Variants in TPRG1 observed in about 807,000 individuals in gnomAD.
The protein encoded by TPRG1 is tumor protein p63 regulated 1.
In TPRG1, 29 loss-of-function variants were observed where a neutral mutation model predicts 29.3. That is an observed-to-expected ratio of 0.99 (90% CI 0.74 to 1.35). The LOEUF (loss-of-function observed/expected upper bound fraction) is 1.35, where lower values mean the gene tolerates loss of function less well. Ranked by LOEUF, TPRG1 falls within the 40% of genes most tolerant of loss-of-function variation. The probability of loss-of-function intolerance (pLI) is 0.00; values close to 1 mark genes in which losing one functional copy is unlikely to be tolerated. For missense variants in TPRG1, 327 were observed against 335.0 expected, an observed-to-expected ratio of 0.98 and a Z score of 0.19; for synonymous variants, 130 against 116.8, an observed-to-expected ratio of 1.11 and a Z score of -0.73.
At chr3:189,203,529 A>G in intron 1 of TPRG1, among the ~76,000 whole-genome samples, 1 of 152,218 alleles carries the variant, frequency 6.6e-6, no homozygotes, top group East Asian at 1.9e-4. Context: ...TCAAGAAGAT[A>G]CAACTGTTAA....
rs1715654080 is a variant in TPRG1 at position 189,056,030 on chromosome 3, TC to T, written c.-463+32087del. 1.5e-4 allele frequency among the ~76,000 whole-genome samples: 10 copies of T among 68,718 alleles called. No individual in the cohort carries two copies. The Admixed American group carries it at 1.5e-3, about 11-fold the overall frequency. The allele number at this position is 68,718 out of a possible 152,430, so 45.1% of individuals were successfully genotyped here. On this transcript the variant is annotated intron_variant, in intron 4 of 10. Coordinates refer to the TPRG1 transcript ENST00000433971. ...TCTCTCCCTCCCTCCCTTCCCTCCCTCCCTTCCTTCCTTCCTTCCTTCCTTC... is the reference window on the plus strand; with the variant it reads ...TCTCTCCCTCCCTCCCTTCCCTCCCTCCTTCCTTCCTTCCTTCCTTCCTTC...
chr3:189,207,057 T>A, intron 1 of TPRG1: 1 of 509,800 alleles, frequency 2.0e-6, no homozygotes, highest in Non-Finnish European at 2.5e-6. Context: ...TGCTATGCAA[T>A]TTTGAAGAGA....
At chr3:189,129,836 T>A (rs1259801322) in intron 2 of TPRG1, among the ~76,000 whole-genome samples, 1 of 152,144 alleles carries the variant, frequency 6.6e-6, no homozygotes, top group East Asian at 1.9e-4. Context: ...GTGGAAGGAG[T>A]ATGAAAATAA....
At chr3:189,174,444 C>T (rs190110904) in intron 1 of TPRG1, among the ~76,000 whole-genome samples, 4 of 152,298 alleles carry the variant, frequency 2.6e-5, no homozygotes, top group Admixed American at 1.3e-4. Flanking sequence ...CCATCCTCCA[C>T]AGCTCCCATT....
intron 1 of TPRG1, among the ~76,000 whole-genome samples, chr3:189,183,255 G>T (rs1232582056): frequency 6.6e-6 from 1 of 152,110 alleles, no homozygotes; most frequent in Non-Finnish European, 1.5e-5. Context: ...TTTTATTAGG[G>T]ACTTTCAAAA....
intron 3 of TPRG1, among the ~76,000 whole-genome samples, chr3:189,011,293 G>A (rs891570555): frequency 2.0e-5 from 3 of 152,004 alleles, no homozygotes; most frequent in Non-Finnish European, 4.4e-5. Flanking sequence ...TCCTAATTCC[G>A]TGAAGAATGT....
chr3:189,278,701 G>A (rs893418806), intron 4 of TPRG1, among the ~76,000 whole-genome samples: 1 of 152,104 alleles, frequency 6.6e-6, no homozygotes, highest in Non-Finnish European at 1.5e-5. Flanking sequence ...GTCAAGTATT[G>A]TGCCAGAGCT....
intron 5 of TPRG1, among the ~76,000 whole-genome samples, chr3:189,158,469 C>T (rs533117374): frequency 1.6e-4 from 24 of 151,970 alleles, no homozygotes; most frequent in African/African-American, 5.1e-4. Flanking sequence ...ATTCGCCAGG[C>T]GTGGTGGCTT....
At chr3:189,259,047 G>GA (rs985188247) in intron 4 of TPRG1, among the ~76,000 whole-genome samples, 4 of 152,144 alleles carry the variant, frequency 2.6e-5, no homozygotes, top group South Asian at 2.1e-4. Context: ...AATGGGGTAT[G>GA]AAAAAAACTC....
intron 3 of TPRG1, among the ~76,000 whole-genome samples, chr3:189,016,309 A>G (rs1214169630): frequency 6.6e-6 from 1 of 152,068 alleles, no homozygotes; most frequent in Non-Finnish European, 1.5e-5. Flanking sequence ...GAATGGGAGT[A>G]TTTACCCAAT....
rs6791686 is a variant in TPRG1 at position 189,041,876 on chromosome 3, G to A, written c.-463+17930G>A. 9.6e-3 allele frequency among the ~76,000 whole-genome samples: 1,464 copies of A among 152,268 alleles called. 31 individuals carry two copies. Among genetic ancestry groups the A allele is most frequent in the African/African-American group, 0.033 (1,390 of 41,528 alleles). On this transcript the variant is annotated intron_variant, in intron 4 of 10. Coordinates refer to the TPRG1 transcript ENST00000433971. ...TGTTTATTTCCTTAGGATGTTGAACGTAAAATATACAACTAGACACTGCCT... is the reference window on the plus strand; with the variant it reads ...TGTTTATTTCCTTAGGATGTTGAACATAAAATATACAACTAGACACTGCCT...
At chr3:189,110,987 C>T (rs911869812) in intron 1 of TPRG1, among the ~76,000 whole-genome samples, 3 of 151,590 alleles carry the variant, frequency 2.0e-5, no homozygotes, top group Non-Finnish European at 2.9e-5. Flanking sequence ...TTTAAGTAAG[C>T]CTGGAAGTTA....
At chr3:189,086,668 C>G (rs1171698799) in intron 4 of TPRG1, among the ~76,000 whole-genome samples, 2 of 152,074 alleles carry the variant, frequency 1.3e-5, no homozygotes, top group South Asian at 4.1e-4. Context: ...GCTGGGATTA[C>G]AGGCATGTGC....
intron 4 of TPRG1, among the ~76,000 whole-genome samples, chr3:189,026,414 G>A (rs1205594605): frequency 6.6e-6 from 1 of 152,108 alleles, no homozygotes; most frequent in Non-Finnish European, 1.5e-5. Context: ...TGTCACATTG[G>A]GGGTTGGATT....
At chr3:189,282,215 CAAAAAAAA>C (rs577174841) in intron 4 of TPRG1, among the ~76,000 whole-genome samples, 1 of 94,742 alleles carries the variant, frequency 1.1e-5, no homozygotes, top group African/African-American at 4.5e-5. Flanking sequence ...TAGTCCTTTC[CAAAAAAAA>C]AAAAAAAAAG....
At position 189,323,578 on chromosome 3, in the gene TPRG1, A is replaced by G. The variant is rs542242147; in HGVS notation, c.*2758A>G. ...AGAAATTGTTTCTTCATTACCATCG[A>G]CCTACTGATTATGGTTTTCTCATTT... is the stretch of plus-strand genomic sequence containing the variant. On this transcript the variant is annotated 3_prime_UTR_variant, in exon 6 of 6. Coordinates refer to ENST00000345063, the MANE Select transcript of TPRG1 (RefSeq NM_198485.4). 1 of 152,048 alleles carries G rather than the reference A, an allele frequency of 6.6e-6. No homozygotes were observed. Among genetic ancestry groups the G allele is most frequent in the African/African-American group, 2.4e-5 (1 of 41,412 alleles). 9.4% of individuals were successfully genotyped at this position (152,048 alleles called of 1,614,324 possible).
chr3:189,185,143 G>A (rs931435913), intron 1 of TPRG1, among the ~76,000 whole-genome samples: 2 of 152,112 alleles, frequency 1.3e-5, no homozygotes, highest in African/African-American at 4.8e-5. Context: ...AGAACCTTGT[G>A]TCACTATTAT....
intron 4 of TPRG1, among the ~76,000 whole-genome samples, chr3:189,043,970 T>G (rs1174327933): frequency 6.6e-6 from 1 of 152,156 alleles, no homozygotes; most frequent in East Asian, 1.9e-4. Context: ...TAACTTCATT[T>G]TTTTCATTTC....
intron 4 of TPRG1, among the ~76,000 whole-genome samples, chr3:189,271,185 T>C (rs1383009895): frequency 6.6e-6 from 1 of 152,212 alleles, no homozygotes; most frequent in African/African-American, 2.4e-5. Flanking sequence ...TAGGGCGTTT[T>C]CTACTGTAAC....
Sources: allele counts gnomAD v4.1 joint callset (sites outside exome capture counted in the v4.1 genomes callset), GRCh38; gene constraint gnomAD v4.1.1; transcripts MANE v1.5; gene names NCBI Gene and HGNC (gene_info 2026-07-23, HGNC 2026-07-21).